The following ABLIM1 variants were observed in gnomAD, a reference collection of about 807,000 sequenced individuals.
The protein encoded by ABLIM1 is actin-binding LIM protein 1.
In ABLIM1, 40 loss-of-function variants were observed where a neutral mutation model predicts 107.0. The ratio of observed to expected loss-of-function variants is 0.37; its 90% confidence interval spans 0.29 to 0.49. ABLIM1 has a LOEUF of 0.49. ABLIM1 is among the 20% of genes least tolerant of loss of function. The pLI, the probability that ABLIM1 is intolerant of heterozygous loss-of-function variation, is 0.97. For missense variants in ABLIM1, 857 were observed against 1,008.5 expected (o/e 0.85, Z 2.04); for synonymous variants, 357 against 357.3 (o/e 1.00, Z 0.01).
intron 1 of ABLIM1, among the ~76,000 whole-genome samples, chr10:114,713,824 T>C (rs1346710183): frequency 1.3e-5 from 2 of 152,194 alleles, no homozygotes; most frequent in African/African-American, 4.8e-5. Flanking sequence ...AAGAGCTAAA[T>C]ATCACAGTTG....
At chr10:114,773,814 G>T in the ABLIM1 span, among the ~76,000 whole-genome samples, 59 of 151,548 alleles carry the variant, frequency 3.9e-4, no homozygotes, top group Admixed American at 3.1e-3. Context: ...CAGATATTGA[G>T]TGTACCACTA....
At chr10:114,615,805 C>A (rs938187726) in intron 1 of ABLIM1, among the ~76,000 whole-genome samples, 2 of 151,000 alleles carry the variant, frequency 1.3e-5, no homozygotes, top group African/African-American at 4.9e-5. Flanking sequence ...TCATTTAAGT[C>A]TCTGACTCAG....
rs781515165 is a variant in ABLIM1, at chr10:114,504,167, G to A, written c.895-12289C>T. Among the ~76,000 whole-genome samples the A allele has an allele frequency of 9.1e-4, 139 of 152,272 alleles. 4 individuals are homozygous for A. The highest frequency in any genetic ancestry group is 3.4e-3 in the Middle Eastern group (1 of 294). On this transcript the variant is annotated intron_variant, in intron 6 of 22. Coordinates refer to ENST00000533213, the MANE Select transcript of ABLIM1 (RefSeq NM_002313.7). ...ATCAACTTTTTCCTCTCCTGATTGA[G>A]CTTAAATATTTCTTCCCTTATCAAT...
intron 1 of ABLIM1, among the ~76,000 whole-genome samples, chr10:114,727,174 G>A (rs2081977772): frequency 6.6e-6 from 1 of 152,098 alleles, no homozygotes; most frequent in Admixed American, 6.6e-5. Context: ...GGCATACCAA[G>A]ATAAATGTAT....
rs146259606 is a variant in ABLIM1, at chr10:114,632,143, C to A, written c.244+25814G>T. 512 of 985,404 alleles carry A rather than the reference C, an allele frequency of 5.2e-4. 6 individuals are homozygous for A. The African/African-American group carries it at 8.3e-3, about 16-fold the overall frequency. The allele number at this position is 985,404 out of a possible 1,614,324, so 61.0% of individuals were successfully genotyped here. A position where few individuals can be genotyped will look rare whatever the true frequency, so the allele number is the denominator to read the frequency against. On this transcript the variant is annotated intron_variant, in intron 1 of 22. Transcript: ENST00000533213. ...GCCCCCGCGCTCTTCTCCGCCCGCCCGCCGAGCTGCAGCCGCGCCCAGCTC... is the reference window on the plus strand; with the variant it reads ...GCCCCCGCGCTCTTCTCCGCCCGCCAGCCGAGCTGCAGCCGCGCCCAGCTC...
At chr10:114,632,868 G>T in intron 1 of ABLIM1, 1 of 839,804 alleles carries the variant, frequency 1.2e-6, no homozygotes, top group Non-Finnish European at 1.4e-6. Flanking sequence ...ATCAGCCTAA[G>T]CCTGACCCCA....
upstream of ABLIM1, among the ~76,000 whole-genome samples, chr10:114,663,041 A>G (rs2079860925): frequency 6.6e-6 from 1 of 152,190 alleles, no homozygotes; most frequent in African/African-American, 2.4e-5. Context: ...TGCTGCCCAC[A>G]CATCACAATC....
At chr10:114,690,111 G>A in intron 1 of ABLIM1, 2 of 1,172,700 alleles carry the variant, frequency 1.7e-6, no homozygotes. Flanking sequence ...AAAAGGAAGG[G>A]TCTGGTGGTT....
chr10:114,585,891 TCTC>T (rs963825306), intron 2 of ABLIM1, among the ~76,000 whole-genome samples: 2 of 152,204 alleles, frequency 1.3e-5, no homozygotes, highest in Admixed American at 1.3e-4. Context: ...ACTATGATTG[TCTC>T]CTCGTCTCGA....
At chr10:114,505,436 C>G (rs1488489218) in intron 6 of ABLIM1, among the ~76,000 whole-genome samples, 1 of 152,196 alleles carries the variant, frequency 6.6e-6, no homozygotes, top group East Asian at 1.9e-4. Flanking sequence ...TGCACAATAA[C>G]AGCAATCCAA....
the ABLIM1 span, among the ~76,000 whole-genome samples, chr10:114,781,770 ACT>A: frequency 6.6e-6 from 1 of 151,172 alleles, no homozygotes; most frequent in Non-Finnish European, 1.5e-5. Flanking sequence ...AAGTTGCAGA[ACT>A]CTCTGATATC....
At chr10:114,471,087 G>A (rs898062959) in intron 10 of ABLIM1, among the ~76,000 whole-genome samples, 4 of 152,054 alleles carry the variant, frequency 2.6e-5, no homozygotes, top group African/African-American at 9.7e-5. Context: ...TGGAATTTTG[G>A]TATGTTGTCC....
chr10:114,630,323 A>G (rs1422449979), intron 1 of ABLIM1, among the ~76,000 whole-genome samples: 1 of 152,228 alleles, frequency 6.6e-6, no homozygotes, highest in Non-Finnish European at 1.5e-5. Flanking sequence ...TGGGAGCTAC[A>G]AATGAAGAGA....
At chr10:114,695,232 A>C (rs1384115590) in intron 1 of ABLIM1, among the ~76,000 whole-genome samples, 1 of 152,206 alleles carries the variant, frequency 6.6e-6, no homozygotes, top group Non-Finnish European at 1.5e-5. Context: ...ATCTAAAGCA[A>C]CTAACTCACC....
At chr10:114,658,806 C>T (rs757341614), upstream of ABLIM1, among the ~76,000 whole-genome samples, 28 of 152,204 alleles carry the variant, frequency 1.8e-4, no homozygotes, top group Non-Finnish European at 4.0e-4. Context: ...GAAAATCCTT[C>T]TGCCTCATTC....
At chr10:114,710,591 G>T (rs990823193) in intron 1 of ABLIM1, among the ~76,000 whole-genome samples, 1 of 152,070 alleles carries the variant, frequency 6.6e-6, no homozygotes, top group East Asian at 1.9e-4. Flanking sequence ...GGGTGGGAAC[G>T]CAGCCAAACC....
At chr10:114,547,505 T>G (rs1304288603) in intron 5 of ABLIM1, 145 bp downstream of exon 5, 3 of 1,120,440 alleles carry the variant, frequency 2.7e-6, no homozygotes, top group African/African-American at 1.6e-5. Flanking sequence ...TTTCAAAAGT[T>G]TTATAGCAAC....
chr10:114,512,327 C>T (rs1485502797), intron 6 of ABLIM1, among the ~76,000 whole-genome samples: 1 of 152,226 alleles, frequency 6.6e-6, no homozygotes, highest in Non-Finnish European at 1.5e-5. Flanking sequence ...GGGGACCAGT[C>T]TGCAGAGAAG....
intron 1 of ABLIM1, among the ~76,000 whole-genome samples, chr10:114,616,715 A>G (rs2077152243): frequency 6.6e-6 from 1 of 152,214 alleles, no homozygotes; most frequent in Admixed American, 6.5e-5. Flanking sequence ...ATCTGTTACT[A>G]AACTCCATCT....
Sources: gnomAD v4.1 joint callset for allele counts (sites outside exome capture counted in the v4.1 genomes callset) on GRCh38, gnomAD v4.1.1 for gene constraint, MANE v1.5 for transcripts, NCBI Gene and HGNC (gene_info 2026-07-23, HGNC 2026-07-21) for gene names.